The following ARAP2 variants were observed in gnomAD, a reference collection of about 807,000 sequenced individuals.
ARAP2 encodes arf-GAP with Rho-GAP domain, ANK repeat and PH domain-containing protein 2.
In ARAP2, 148 loss-of-function variants were observed where a neutral mutation model predicts 194.5. The ratio of observed to expected loss-of-function variants is 0.76; its 90% CI spans 0.67 to 0.87. The LOEUF is 0.87. Ranked by LOEUF, ARAP2 falls within the 40% of genes least tolerant of loss-of-function variation. ARAP2 has a pLI of 0.00. For missense variants in ARAP2, 2,128 were observed against 1,989.7 expected, an observed-to-expected ratio of 1.07 and a Z score of -1.32; for synonymous variants, 695 against 683.5, an observed-to-expected ratio of 1.02 and a Z score of -0.26.
At chr4:36,008,548 A>G (rs186886050) in intron 9 of ARAP2, among the ~76,000 whole-genome samples, 141 of 152,218 alleles carry the variant, frequency 9.3e-4, no homozygotes, top group African/African-American at 3.2e-3. Context: ...TTAACCTAAG[A>G]TAGATTAAAG....
chr4:36,007,645 C>A (rs191747962), intron 9 of ARAP2, among the ~76,000 whole-genome samples: 235 of 152,208 alleles, frequency 1.5e-3, no homozygotes, highest in African/African-American at 5.3e-3. Flanking sequence ...TTACAGGAGC[C>A]CTAGGCTAAT....
At chr4:36,015,633 C>T (rs1715646186) in intron 7 of ARAP2, 1 of 152,194 alleles carries the variant, frequency 6.6e-6, no homozygotes, top group Admixed American at 6.5e-5. Flanking sequence ...AAGACAAAAT[C>T]TGCAAGGTAA....
intron 31 of ARAP2, among the ~76,000 whole-genome samples, chr4:36,079,164 A>T (rs1728915917): frequency 9.3e-6 from 1 of 107,514 alleles, no homozygotes; most frequent in African/African-American, 3.6e-5. Flanking sequence ...ACAGAGCAAG[A>T]CTCTGTCTCA....
At chr4:36,191,479 A>G (rs1741891181) in intron 7 of ARAP2, among the ~76,000 whole-genome samples, 1 of 151,678 alleles carries the variant, frequency 6.6e-6, no homozygotes, top group Non-Finnish European at 1.5e-5. Context: ...CTATGTCACT[A>G]AAACCTCAGA....
At chr4:36,059,594 GAAGTT>G (rs2109271560) in intron 1 of ARAP2, among the ~76,000 whole-genome samples, 1 of 152,312 alleles carries the variant, frequency 6.6e-6, no homozygotes, top group South Asian at 2.1e-4. Context: ...GATTCAGACT[GAAGTT>G]AAACATATGG....
At chr4:36,025,392 C>T (rs570461497) in intron 5 of ARAP2, among the ~76,000 whole-genome samples, 55 of 152,288 alleles carry the variant, frequency 3.6e-4, no homozygotes, top group African/African-American at 1.3e-3. Context: ...GCAAGCTGGA[C>T]ACCCAATTAG....
intron 15 of ARAP2, among the ~76,000 whole-genome samples, chr4:36,152,772 C>T (rs1731304951): frequency 1.3e-5 from 2 of 152,102 alleles, no homozygotes; most frequent in African/African-American, 4.8e-5. Flanking sequence ...GAGCTACAAT[C>T]CTTCCATAAT....
intron 22 of ARAP2, among the ~76,000 whole-genome samples, chr4:36,123,682 C>T (rs140647821): frequency 1.3e-5 from 2 of 151,892 alleles, no homozygotes; most frequent in African/African-American, 4.8e-5. Flanking sequence ...TTTTCCCTAA[C>T]AATACCATCA....
At chr4:36,017,457 G>A (rs1716032939) in intron 6 of ARAP2, among the ~76,000 whole-genome samples, 1 of 146,684 alleles carries the variant, frequency 6.8e-6, no homozygotes, top group East Asian at 2.1e-4. Flanking sequence ...AGGATAAGGA[G>A]AATAAGAGAG....
At chr4:36,151,601 A>C (rs893292318) in intron 15 of ARAP2, among the ~76,000 whole-genome samples, 18 of 152,200 alleles carry the variant, frequency 1.2e-4, no homozygotes, top group Non-Finnish European at 7.3e-5. Flanking sequence ...TAATGGATAA[A>C]GTCTATATAT....
chr4:36,143,389 A>G (rs1365801883), intron 19 of ARAP2, among the ~76,000 whole-genome samples: 1 of 151,758 alleles, frequency 6.6e-6, no homozygotes, highest in Non-Finnish European at 1.5e-5. Context: ...CCAGACTCCT[A>G]GAACACTTGT....
At chr4:36,202,354 C>T (rs1265330108) in intron 6 of ARAP2, among the ~76,000 whole-genome samples, 1 of 152,148 alleles carries the variant, frequency 6.6e-6, no homozygotes, top group Non-Finnish European at 1.5e-5. Flanking sequence ...AGAGCACTTT[C>T]TCACTTTTGA....
At chr4:36,100,035 T>C (rs2109425855) in intron 27 of ARAP2, among the ~76,000 whole-genome samples, 1 of 152,174 alleles carries the variant, frequency 6.6e-6, no homozygotes, top group East Asian at 1.9e-4. Context: ...TTCAGGATAG[T>C]AAGGGGTTTA....
chr4:36,037,389 T>C (rs151091074), intron 5 of ARAP2, among the ~76,000 whole-genome samples: 1,653 of 152,284 alleles, frequency 0.011, 17 homozygotes, highest in Non-Finnish European at 0.017. Flanking sequence ...TGACATTAAC[T>C]AAGCCTGAAA....
At chr4:36,111,207 A>G (rs956767294) in intron 26 of ARAP2, among the ~76,000 whole-genome samples, 1 of 151,956 alleles carries the variant, frequency 6.6e-6, no homozygotes, top group Admixed American at 6.6e-5. Context: ...ATTAGCAAAC[A>G]CACCAACTGC....
At chr4:36,204,987 CAAAAAAAAAAAAAAAA>C (rs754960122) in intron 6 of ARAP2, among the ~76,000 whole-genome samples, 5 of 35,072 alleles carry the variant, frequency 1.4e-4, no homozygotes, top group South Asian at 2.5e-3. Context: ...GACTCCATCT[CAAAAAAAAAAAAAAAA>C]AAAAAAAAAA....
At chr4:36,181,632 G>A (rs1203438384) in intron 8 of ARAP2, among the ~76,000 whole-genome samples, 1 of 152,178 alleles carries the variant, frequency 6.6e-6, no homozygotes, top group Non-Finnish European at 1.5e-5. Context: ...ATCAATATCA[G>A]AGAAGGAAGT....
At chr4:36,093,411 T>C (rs1714292018) in intron 27 of ARAP2, among the ~76,000 whole-genome samples, 1 of 152,066 alleles carries the variant, frequency 6.6e-6, no homozygotes, top group African/African-American at 2.4e-5. Context: ...ATTTGAGAAA[T>C]AACATACTTG....
At chr4:36,139,357 C>A (rs535350745) in intron 19 of ARAP2, among the ~76,000 whole-genome samples, 34 of 151,496 alleles carry the variant, frequency 2.2e-4, no homozygotes, top group Non-Finnish European at 3.8e-4. Context: ...TAAACTGATG[C>A]ACAGTTTTAT....
Sources: gnomAD v4.1 joint callset for allele counts (sites outside exome capture counted in the v4.1 genomes callset) on GRCh38, gnomAD v4.1.1 for gene constraint, MANE v1.5 for transcripts, NCBI Gene and HGNC (gene_info 2026-07-23, HGNC 2026-07-21) for gene names.